Variants in MRC1 observed in about 807,000 individuals in gnomAD.
MRC1 encodes mannose receptor C-type 1.
MRC1 carries 62 observed loss-of-function variants against 102.9 expected under a neutral mutation model. The observed-to-expected ratio is 0.60, with a 90% CI of 0.49 to 0.74. MRC1 has a LOEUF of 0.74. MRC1 is among the 30% of genes least tolerant of loss of function. MRC1 has a pLI of 0.00. For missense variants in MRC1, 1,237 were observed against 862.8 expected (o/e 1.43, Z -5.43); for synonymous variants, 457 against 298.4 (o/e 1.53, Z -5.48).
At chr10:17,856,956 C>G (rs1833102107) in intron 9 of MRC1, among the ~76,000 whole-genome samples, 1 of 152,106 alleles carries the variant, frequency 6.6e-6, no homozygotes. Context: ...GCTATGAAAA[C>G]ACAGGGTTTA....
chr10:17,899,696 G>A (rs1833802440), intron 24 of MRC1, among the ~76,000 whole-genome samples: 2 of 151,990 alleles, frequency 1.3e-5, no homozygotes, highest in African/African-American at 4.8e-5. Flanking sequence ...AACAATACCT[G>A]TAAAATCTCT....
Position 17,853,165 on chromosome 10 carries a change from C to T in MRC1, c.1407+41C>T, listed in dbSNP as rs963643276. On this transcript the variant is annotated intron_variant, in intron 8 of 29. Transcript: ENST00000569591. Reference sequence around the variant, plus strand: ...TGACTGATATTTATAATGAAAGTCACGGGGGATTTTTCCTTCTGTCCCAGT... The same window carrying T: ...TGACTGATATTTATAATGAAAGTCATGGGGGATTTTTCCTTCTGTCCCAGT... 192 of 778,882 alleles carry T rather than the reference C, an allele frequency of 2.5e-4. 1 individual carries two copies. Among genetic ancestry groups the T allele is most frequent in the African/African-American group, 1.9e-3 (110 of 59,166 alleles). 48.2% of individuals were successfully genotyped at this position (778,882 alleles called of 1,614,324 possible).
In MRC1 at chr10:17,846,357, C is replaced by T. The variant is rs187288512; in HGVS notation, c.1063+922C>T. Reference sequence around the variant, plus strand: ...CAAACTACATATTTTTTATTATTACCTCTTTTTGGAGGGACAGCGAATGCT... The same window carrying T: ...CAAACTACATATTTTTTATTATTACTTCTTTTTGGAGGGACAGCGAATGCT... On this transcript the variant is annotated intron_variant, in intron 6 of 29. Transcript: ENST00000569591. Among the ~76,000 whole-genome samples the T allele has an allele frequency of 3.5e-3, 526 of 151,918 alleles. 1 individual carries two copies. The highest frequency in any genetic ancestry group is 0.011 in the African/African-American group (470 of 41,432).
intron 24 of MRC1, among the ~76,000 whole-genome samples, chr10:17,900,022 C>T (rs1307232910): frequency 2.1e-5 from 3 of 146,170 alleles, no homozygotes; most frequent in African/African-American, 5.1e-5. Flanking sequence ...CATTTGAACC[C>T]GGGAGGTGGA....
chr10:17,851,066 T>C (rs1448673103), intron 7 of MRC1, among the ~76,000 whole-genome samples: 8 of 152,196 alleles, frequency 5.3e-5, no homozygotes, highest in African/African-American at 1.9e-4. Context: ...GTGGCACTTA[T>C]AGCCAGTAAA....
At chr10:17,828,024 A>T (rs1838507483) in intron 3 of MRC1, among the ~76,000 whole-genome samples, 1 of 152,160 alleles carries the variant, frequency 6.6e-6, no homozygotes, top group African/African-American at 2.4e-5. Flanking sequence ...TGCTAAGAGG[A>T]CTAGACTGTA....
chr10:17,810,874 C>T (rs912607595), intron 1 of MRC1, among the ~76,000 whole-genome samples: 40 of 152,326 alleles, frequency 2.6e-4, no homozygotes, highest in African/African-American at 7.9e-4. Flanking sequence ...CTCACTGCAA[C>T]CTCTACTTCC....
chr10:17,900,578 G>A (rs1225667473), intron 24 of MRC1, among the ~76,000 whole-genome samples: 1 of 152,034 alleles, frequency 6.6e-6, no homozygotes, highest in African/African-American at 2.4e-5. Flanking sequence ...TATTCCTGGG[G>A]ATCTCTAAGA....
intron 1 of MRC1, among the ~76,000 whole-genome samples, chr10:17,812,210 A>G (rs970087628): frequency 6.6e-6 from 1 of 152,090 alleles, no homozygotes; most frequent in Admixed American, 6.5e-5. Context: ...ACAGGGCTAG[A>G]CGCTCACCTT....
At position 17,906,994 on chromosome 10, in the gene MRC1, T is replaced by C; in HGVS notation, c.3908T>C (p.Val1303Ala). 1.3e-6 allele frequency: 1 copy of C among 782,194 alleles called. No individual in the cohort carries two copies. The highest frequency in any genetic ancestry group is 1.3e-5 in the South Asian group (1 of 74,624). The allele number at this position is 782,194 out of a possible 1,614,324, so 48.5% of individuals were successfully genotyped here. A position where few individuals can be genotyped will look rare whatever the true frequency, so the allele number is the denominator to read the frequency against. The part of the protein sequence containing the change: ...TNFWIGLFRN[V>A]EGTWLWINNS... ...TTTTGGATAGGATTGTTCAGAAATG[T>C]TGAAGGTAATTTTTGCAGCATGCTT... is the stretch of plus-strand genomic sequence containing the variant. Residue 1303 changes from valine (V) to alanine (A), a missense_variant, in exon 27 of 30, where the codon GTT becomes GCT. By Grantham distance (64) the Val-to-Ala change is moderately conservative. Transcript: ENST00000569591.
intron 17 of MRC1, among the ~76,000 whole-genome samples, chr10:17,877,554 TA>T (rs1183838332): frequency 4.6e-5 from 7 of 151,802 alleles, no homozygotes; most frequent in Non-Finnish European, 7.4e-5. Context: ...ATACACAATT[TA>T]ATAACTTGAA....
In MRC1 at chr10:17,900,950, G is replaced by C; in HGVS notation, c.3646G>C (p.Asp1216His). 1 of 780,480 alleles carries C rather than the reference G, an allele frequency of 1.3e-6. No homozygotes were observed. The highest frequency in any genetic ancestry group is 2.4e-6 in the Non-Finnish European group (1 of 417,830). The allele number at this position is 780,480 out of a possible 1,614,324, so 48.3% of individuals were successfully genotyped here. A position where few individuals can be genotyped will look rare whatever the true frequency, so the allele number is the denominator to read the frequency against. Residue 1216 changes from aspartate (D) to histidine (H), a missense_variant, in exon 25 of 30, where the codon GAT becomes CAT. Transcript: ENST00000569591. The part of the protein sequence containing the change: ...ESFYFLCKRS[D>H]EIPATEPPQL... ...TTTTTACTTTCTCTGTAAAAGATCA[G>C]ATGGTAATTGAATATATAAAAACAG...
chr10:17,886,313 T>TTCCTTCCTTCCC (rs1833593161), intron 22 of MRC1, among the ~76,000 whole-genome samples: 1 of 138,574 alleles, frequency 7.2e-6, no homozygotes, highest in African/African-American at 2.6e-5. Context: ...CCTTCCTTCC[T>TTCCTTCCTTCCC]TCCCTCCTTC....
At chr10:17,832,618 C>G (rs1488876966) in intron 3 of MRC1, among the ~76,000 whole-genome samples, 1 of 148,626 alleles carries the variant, frequency 6.7e-6, no homozygotes, top group Non-Finnish European at 1.5e-5. Flanking sequence ...GACGGAGTCT[C>G]GCTCTGTCGC....
At chr10:17,844,856 G>A (rs553635048) in intron 5 of MRC1, among the ~76,000 whole-genome samples, 6 of 152,188 alleles carry the variant, frequency 3.9e-5, no homozygotes, top group South Asian at 4.1e-4. Context: ...GCATTAATTC[G>A]CTTAGGATAA....
rs1448171511 is a variant in MRC1, at chr10:17,861,428, T to TA, written c.1561dup (p.Thr521AsnfsTer13). The stretch of plus-strand genomic sequence containing the variant: ...ACTTTTACTGCTATATGATTGGACA[T>TA]ACGCTTTCAACATTTGCAGAAGCAA... On this transcript the variant is annotated frameshift_variant, in exon 10 of 30. Coordinates refer to ENST00000569591, the MANE Select transcript of MRC1 (RefSeq NM_002438.4). LOFTEE classifies it high-confidence loss of function. 1.1e-6 allele frequency: 1 copy of TA among 872,456 alleles called. No homozygotes were observed. The highest frequency in any genetic ancestry group is 2.0e-6 in the Non-Finnish European group (1 of 501,442). 54.0% of individuals were successfully genotyped at this position (872,456 alleles called of 1,614,324 possible). A position where few individuals can be genotyped will look rare whatever the true frequency, so the allele number is the denominator to read the frequency against.
At chr10:17,856,444 G>A (rs1431837253) in intron 9 of MRC1, 92 bp downstream of exon 9, 8 of 766,028 alleles carry the variant, frequency 1.0e-5, no homozygotes, top group Non-Finnish European at 1.8e-5. Context: ...CCTTGTTATT[G>A]CAGTAGCCAA....
chr10:17,830,786 G>A (rs1298266666), intron 3 of MRC1, among the ~76,000 whole-genome samples: 2 of 151,202 alleles, frequency 1.3e-5, no homozygotes, highest in African/African-American at 2.5e-5. Flanking sequence ...TAAGTGAAAG[G>A]TCAATTGCAT....
rs1164106874 is a variant in MRC1, at chr10:17,901,516, C to A, written c.3650-457C>A. 2.0e-5 allele frequency among the ~76,000 whole-genome samples: 3 copies of A among 151,992 alleles called. No individual in the cohort carries two copies. The South Asian group carries it at 6.2e-4, about 32-fold the overall frequency. ...CCAGCTTGGCCAACATGGTGAAACC[C>A]CTTCTCTACTAAAAATACAAAAACT... On this transcript the variant is annotated intron_variant, in intron 25 of 29. Coordinates refer to ENST00000569591, the MANE Select transcript of MRC1 (RefSeq NM_002438.4).
Sources: gnomAD v4.1 joint callset for allele counts (sites outside exome capture counted in the v4.1 genomes callset) on GRCh38, gnomAD v4.1.1 for gene constraint, MANE v1.5 for transcripts, NCBI Gene and HGNC (gene_info 2026-07-23, HGNC 2026-07-21) for gene names.